Variants in CSF2RB observed in about 807,000 individuals in gnomAD.
The protein encoded by CSF2RB is cytokine receptor common subunit beta.
Under a neutral mutation model 67.2 loss-of-function variants are expected in CSF2RB, and 22 were observed. The ratio of observed to expected loss-of-function variants is 0.33; its 90% CI spans 0.23 to 0.47. The LOEUF (loss-of-function observed/expected upper bound fraction) is 0.47. CSF2RB is among the 20% of genes least tolerant of loss of function. CSF2RB has a pLI of 1.00. For missense variants in CSF2RB, 1,113 were observed against 1,174.5 expected (o/e 0.95, Z 0.76); for synonymous variants, 507 against 482.9 (o/e 1.05, Z -0.65).
At chr22:36,923,546 G>C (rs1259434671) in intron 3 of CSF2RB, among the ~76,000 whole-genome samples, 179 bp downstream of exon 3, 1 of 152,200 alleles carries the variant, frequency 6.6e-6, no homozygotes, top group Non-Finnish European at 1.5e-5. Context: ...TGCGAGGCCG[G>C]GTGCTGCCGT....
In CSF2RB at chr22:36,925,977, C is replaced by G; in HGVS notation, c.201-10C>G. 6.2e-7 allele frequency: 1 copy of G among 1,614,210 alleles called. No individual in the cohort carries two copies. The highest frequency in any genetic ancestry group is 8.5e-7 in the Non-Finnish European group (1 of 1,180,038). On this transcript the variant is annotated splice_polypyrimidine_tract_variant and intron_variant, in intron 3 of 13. Coordinates refer to ENST00000403662, the MANE Select transcript of CSF2RB (RefSeq NM_000395.3). ...TACACCCTGGGCTAAGCCGTGTCCT[C>G]TCCCAACAGGGACCTCCTGGAGCCA...
chr22:36,921,240 CTGTGTGTGTGTTTGTA>C (rs1940860031), intron 1 of CSF2RB, among the ~76,000 whole-genome samples: 1 of 147,970 alleles, frequency 6.8e-6, no homozygotes, highest in South Asian at 2.2e-4. Flanking sequence ...GTCTGTGTCT[CTGTGTGTGTGTTTGTA>C]TGTGTGTGTG....
intron 8 of CSF2RB, 150 bp downstream of exon 8, chr22:36,930,980 A>G (rs1206996521): frequency 5.1e-6 from 5 of 988,838 alleles, no homozygotes; most frequent in African/African-American, 1.6e-5. Context: ...GTGAACAGAG[A>G]AGCAATGAAA....
rs558205050 is a variant in CSF2RB, at chr22:36,938,299, G to C, written c.2491G>C (p.Gly831Arg). The change falls in exon 14 of 14, where the codon GGC becomes CGC. Residue 831 changes from glycine to arginine, a missense_variant. By Grantham distance (125) the Gly-to-Arg change is moderately radical (BLOSUM62 -2). Around this residue, in one of 2 missense-constraint regions of CSF2RB, gnomAD observed 554 missense variants for 517.9 expected, o/e 1.07. Transcript: ENST00000403662. The part of the protein sequence containing the change: ...DYCFLPGLGP[G>R]PLSLRSKPSS... The stretch of plus-strand genomic sequence containing the variant: ...TTGCTTCCTCCCCGGCCTGGGGCCC[G>C]GCCCTCTCTCGCTCCGGAGTAAACC... 1.2e-6 allele frequency: 2 copies of C among 1,614,172 alleles called. No individual in the cohort carries two copies. The highest frequency in any genetic ancestry group is 1.1e-5 in the South Asian group (1 of 91,086).
At position 36,932,808 on chromosome 22, in the gene CSF2RB, C is replaced by A. The variant is rs777703438; in HGVS notation, c.1056C>A (p.Asp352Glu). Reference sequence around the variant, plus strand: ...CCCTCAACGTGACCAAGGATGGAGACAGCTACAGCCTGCGCTGGGAAACAA... The same window carrying A: ...CCCTCAACGTGACCAAGGATGGAGAAAGCTACAGCCTGCGCTGGGAAACAA... ...PPSLNVTKDG[D>E]SYSLRWETMK... Residue 352 changes from aspartate (D) to glutamate (E), a missense_variant, in exon 9 of 14, where the codon GAC becomes GAA. Asp to Glu is a conservative substitution (Grantham distance 45). Transcript: ENST00000403662. The A allele has an allele frequency of 6.2e-7, 1 of 1,614,096 alleles. No individual in the cohort carries two copies. Among genetic ancestry groups the A allele is most frequent in the South Asian group, 1.1e-5 (1 of 91,062 alleles).
chr22:36,924,061 C>T (rs374914331), intron 3 of CSF2RB, among the ~76,000 whole-genome samples: 1 of 152,128 alleles, frequency 6.6e-6, no homozygotes, highest in East Asian at 1.9e-4. Flanking sequence ...AGGCAGATGA[C>T]AACCCATTGG....
intron 1 of CSF2RB, among the ~76,000 whole-genome samples, chr22:36,919,174 A>G (rs1381971090): frequency 6.6e-6 from 1 of 152,188 alleles, no homozygotes; most frequent in African/African-American, 2.4e-5. Context: ...CCAGGAGGAA[A>G]GGGACACGGT....
chr22:36,923,892 G>C (rs918401478), intron 3 of CSF2RB: 1 of 850,502 alleles, frequency 1.2e-6, no homozygotes, highest in Non-Finnish European at 1.7e-6. Context: ...AGGGGGCTCC[G>C]CGCTCTCCCA....
chr22:36,937,267 G>A lies in CSF2RB; in HGVS notation c.1569-110G>A. 2.2e-6 allele frequency: 3 copies of A among 1,354,798 alleles called. No individual in the cohort carries two copies. In the South Asian group the frequency reaches 3.6e-5, roughly 16 times the overall value. The allele number at this position is 1,354,798 out of a possible 1,614,324, so 83.9% of individuals were successfully genotyped here. On this transcript the variant is annotated intron_variant, in intron 13 of 13. Transcript: ENST00000403662. The surrounding 1 kb of genome is among the most constrained non-coding windows in gnomAD (Gnocchi z 4.6). The stretch of plus-strand genomic sequence containing the variant: ...TCAGGTTCTCTCTGTGAGATCTGGG[G>A]GACATCAGGGCTTCCAGAGAACCAT...
At chr22:36,923,112 TG>T in intron 2 of CSF2RB, 131 bp from the exon 3 acceptor site, 1 of 1,360,732 alleles carries the variant, frequency 7.3e-7, no homozygotes, top group Non-Finnish European at 1.0e-6. Context: ...TACATGTGCC[TG>T]GCCACCTGGT....
intron 5 of CSF2RB, 34 bp downstream of exon 5, chr22:36,929,593 A>T: frequency 1.2e-6 from 2 of 1,614,182 alleles, no homozygotes; most frequent in Non-Finnish European, 1.7e-6. Context: ...CCCAGCCCGA[A>T]GGGATGGGCA....
Position 36,933,873 on chromosome 22 carries a change from C to T in CSF2RB, c.1194C>T (p.Ala398=), listed in dbSNP as rs199780194. ...TETLQNAHSM[A]LPALEPSTRY... ...CCCTCCAGAACGCCCACAGCATGGCCCTGCCAGCCCTGGAGCCCTCCACCA... is the reference window on the plus strand; with the variant it reads ...CCCTCCAGAACGCCCACAGCATGGCTCTGCCAGCCCTGGAGCCCTCCACCA... Residue 398 remains alanine (A), a synonymous_variant, in exon 10 of 14, where the codon GCC becomes GCT. Transcript: ENST00000403662. The T allele has an allele frequency of 8.1e-5, 130 of 1,610,774 alleles. No individual in the cohort carries two copies. In the East Asian group the frequency reaches 2.3e-3, roughly 28 times the overall value.
intron 3 of CSF2RB, among the ~76,000 whole-genome samples, chr22:36,925,085 C>T (rs1260426550): frequency 6.6e-6 from 1 of 152,242 alleles, no homozygotes; most frequent in Admixed American, 6.5e-5. Context: ...ACCCGAGCTG[C>T]GCTGCTGCCT....
rs761356796 is a variant in CSF2RB at position 36,937,684 on chromosome 22, C to T, written c.1876C>T (p.Leu626=). The T allele has an allele frequency of 3.2e-6, 5 of 1,554,408 alleles. No homozygotes were observed. The highest frequency in any genetic ancestry group is 4.9e-5 in the East Asian group (2 of 41,146). The change falls in exon 14 of 14, where the codon CTG becomes TTG. Residue 626 remains leucine, a synonymous_variant. Transcript: ENST00000403662. The surrounding 1 kb of genome is among the most constrained non-coding windows in gnomAD (Gnocchi z 4.6). ...CCAGAAGTCCCCACCTCCAGGGTCC[C>T]TGGAGTACCTGTGTCTGCCTGCTGG... ...GSQKSPPPGS[L]EYLCLPAGGQ...
intron 6 of CSF2RB, 74 bp from the exon 7 acceptor site, chr22:36,930,301 C>A (rs889382788): frequency 3.7e-6 from 6 of 1,604,056 alleles, no homozygotes; most frequent in Non-Finnish European, 5.1e-6. Context: ...TGTGATGAAT[C>A]ACACGGTGGG....
intron 1 of CSF2RB, among the ~76,000 whole-genome samples, chr22:36,914,385 A>C (rs1940669323): frequency 7.9e-6 from 1 of 126,142 alleles, no homozygotes; most frequent in Admixed American, 8.5e-5. Context: ...GGCACTATCC[A>C]GCAATCTCTC....
chr22:36,938,003 C>G lies in CSF2RB; in HGVS notation c.2195C>G (p.Pro732Arg). The G allele has an allele frequency of 6.2e-7, 1 of 1,614,160 alleles. No individual in the cohort carries two copies. Among genetic ancestry groups the G allele is most frequent in the Non-Finnish European group, 8.5e-7 (1 of 1,180,010 alleles). Residue 732 changes from proline to arginine, a missense_variant, in exon 14 of 14, where the codon CCC (proline) becomes CGC (arginine). By Grantham distance (103) the Pro-to-Arg change is moderately radical (BLOSUM62 -2). This residue lies in a region of CSF2RB where 554 missense variants were observed against 517.9 expected (regional missense o/e 1.07). Transcript: ENST00000403662. The part of the protein sequence containing the change: ...NSGASSVSLV[P>R]SLGLPSDQTP... ...GGGGCCTCGTCTGTCTCCCTAGTTCCCTCTCTGGGCCTCCCCTCAGACCAG... is the reference window on the plus strand; with the variant it reads ...GGGGCCTCGTCTGTCTCCCTAGTTCGCTCTCTGGGCCTCCCCTCAGACCAG...
intron 1 of CSF2RB, among the ~76,000 whole-genome samples, chr22:36,918,665 T>C (rs765925061): frequency 6.6e-6 from 1 of 152,234 alleles, no homozygotes; most frequent in Non-Finnish European, 1.5e-5. Context: ...GAAAGCCCTG[T>C]GAAGCTTTCC....
intron 1 of CSF2RB, among the ~76,000 whole-genome samples, chr22:36,919,846 T>G (rs897950060): frequency 6.6e-6 from 1 of 152,242 alleles, no homozygotes; most frequent in Admixed American, 6.5e-5. Flanking sequence ...GATGTCTTAA[T>G]GTACTCTTTT....
Sources: gnomAD v4.1 joint callset for allele counts (sites outside exome capture counted in the v4.1 genomes callset) on GRCh38, gnomAD v4.1.1 for gene constraint, gnomAD v4.1.1 regional missense constraint, Gnocchi (gnomAD v3.1) non-coding constraint, MANE v1.5 for transcripts, NCBI Gene and HGNC (gene_info 2026-07-23, HGNC 2026-07-21) for gene names.